Variants in NCOA2 observed in about 807,000 individuals in gnomAD.
The protein encoded by NCOA2 is nuclear receptor coactivator 2.
NCOA2 carries 21 observed loss-of-function variants against 145.1 expected under a neutral mutation model. That is an observed-to-expected ratio of 0.14 (90% CI 0.10 to 0.21). The LOEUF (loss-of-function observed/expected upper bound fraction) is 0.21, where lower values mean the gene tolerates loss of function less well. Ranked by LOEUF, NCOA2 falls within the 10% of genes least tolerant of loss-of-function variation. The pLI is 1.00. For missense variants in NCOA2, 1,472 were observed against 1,837.6 expected, an observed-to-expected ratio of 0.80 and a Z score of 3.64; for synonymous variants, 619 against 637.5, an observed-to-expected ratio of 0.97 and a Z score of 0.44.
intron 9 of NCOA2, among the ~76,000 whole-genome samples, chr8:70,160,682 G>GAGAGGGAGA (rs371258460): frequency 1.7e-5 from 1 of 58,302 alleles, no homozygotes; most frequent in African/African-American, 4.2e-5. Context: ...AGAGAGAGAG[G>GAGAGGGAGA]GAGAGAGAGA....
At chr8:70,114,862 T>C (rs1042506281) in intron 22 of NCOA2, among the ~76,000 whole-genome samples, 2 of 152,182 alleles carry the variant, frequency 1.3e-5, no homozygotes, top group Non-Finnish European at 2.9e-5. Flanking sequence ...GGGGAAAGTA[T>C]TGCCAGATCA....
At chr8:70,313,026 T>C (rs1805261299) in intron 1 of NCOA2, among the ~76,000 whole-genome samples, 1 of 152,196 alleles carries the variant, frequency 6.6e-6, no homozygotes, top group Non-Finnish European at 1.5e-5. Context: ...AACATTTGAA[T>C]CCATCTTAAA....
chr8:70,292,372 C>T (rs569982910), intron 2 of NCOA2, among the ~76,000 whole-genome samples: 1 of 151,832 alleles, frequency 6.6e-6, no homozygotes, highest in Non-Finnish European at 1.5e-5. Context: ...AGGATGGTCT[C>T]GATCTCTTGA....
Position 70,156,890 on chromosome 8 carries a change from A to G in NCOA2, c.1475T>C (p.Met492Thr). ...AGGGCTGCCAGCCACTCCAGGGCTC[A>G]TGCGATGCCTTGGTGAAAGCATGGA... ...PTSMLSPRHR[M>T]SPGVAGSPRI... The change falls in exon 11 of 23, where the codon ATG (methionine) becomes ACG (threonine). Residue 492 changes from methionine (M) to threonine (T), a missense_variant. By Grantham distance (81) the Met-to-Thr change is moderately conservative. This residue lies in a region of NCOA2 where 953 missense variants were observed against 1,062.1 expected (regional missense o/e 0.90). Coordinates refer to ENST00000452400, the MANE Select transcript of NCOA2 (RefSeq NM_006540.4). 5 of 1,614,008 alleles carry G rather than the reference A, an allele frequency of 3.1e-6. No individual in the cohort carries two copies. Among genetic ancestry groups the G allele is most frequent in the Non-Finnish European group, 4.2e-6 (5 of 1,179,884 alleles).
intron 1 of NCOA2, among the ~76,000 whole-genome samples, chr8:70,310,665 T>C (rs1805039616): frequency 6.6e-6 from 1 of 152,216 alleles, no homozygotes. Flanking sequence ...GGGCCTAAAA[T>C]GGGCAAAGCA....
At chr8:70,417,225 T>C in the NCOA2 span, among the ~76,000 whole-genome samples, 308 of 114,676 alleles carry the variant, frequency 2.7e-3, 2 homozygotes, top group African/African-American at 0.011. Context: ...CTGGACAACA[T>C]AGTGAGACCT....
At chr8:70,420,908 G>A in the NCOA2 span, among the ~76,000 whole-genome samples, 2 of 152,158 alleles carry the variant, frequency 1.3e-5, no homozygotes, top group Non-Finnish European at 1.5e-5. Context: ...CTCCCAAAGT[G>A]CTGGGATTAC....
At chr8:70,133,363 T>C (rs1427957418) in intron 15 of NCOA2, among the ~76,000 whole-genome samples, 1 of 151,966 alleles carries the variant, frequency 6.6e-6, no homozygotes, top group Non-Finnish European at 1.5e-5. Context: ...GACTACAGAT[T>C]TGATGTGTAC....
Position 70,112,922 on chromosome 8 carries a change from A to C in NCOA2, c.*710T>G, listed in dbSNP as rs140931008. The C allele has an allele frequency of 8.9e-3, 1,749 of 197,576 alleles. 25 individuals are homozygous for C. The highest frequency in any genetic ancestry group is 0.043 in the East Asian group (543 of 12,688). The allele number at this position is 197,576 out of a possible 1,614,324, so 12.2% of individuals were successfully genotyped here. A position where few individuals can be genotyped will look rare whatever the true frequency, so the allele number is the denominator to read the frequency against. On this transcript the variant is annotated 3_prime_UTR_variant, in exon 23 of 23. Transcript: ENST00000452400. ...GATTCAGGTGAACCAGTTTGGTTTT[A>C]ACAAAGAAAAAACAAGGAAAAAATA...
At position 70,329,592 on chromosome 8, in the gene NCOA2, T is replaced by G. The variant is rs145454008; in HGVS notation, c.-76-32792A>C. Among the ~76,000 whole-genome samples the G allele has an allele frequency of 2.4e-4, 37 of 152,182 alleles. No homozygotes were observed. The East Asian group carries it at 4.6e-3, about 19-fold the overall frequency. ...TATACCCAAGAGATGTGAGGGCTCA[T>G]GTCCACAAAAAACACAAATAGGAAT... On this transcript the variant is annotated intron_variant, in intron 1 of 22. Transcript: ENST00000452400.
At chr8:70,114,704 TG>T (rs757783876) in intron 22 of NCOA2, among the ~76,000 whole-genome samples, 10 of 152,210 alleles carry the variant, frequency 6.6e-5, no homozygotes, top group Non-Finnish European at 1.5e-4. Flanking sequence ...CTGTCTGCTT[TG>T]GGAACAATTG....
In NCOA2 at chr8:70,156,033, T is replaced by C. The variant is rs2132216748; in HGVS notation, c.2332A>G (p.Asn778Asp). 6.2e-7 allele frequency: 1 copy of C among 1,607,190 alleles called. No homozygotes were observed. The highest frequency in any genetic ancestry group is 8.5e-7 in the Non-Finnish European group (1 of 1,177,970). Residue 778 changes from asparagine (N) to aspartate (D), a missense_variant, in exon 11 of 23, where the codon AAC becomes GAC. Asn to Asp is a conservative substitution (Grantham distance 23). This residue lies in a region of NCOA2 where 953 missense variants were observed against 1,062.1 expected (regional missense o/e 0.90). Coordinates refer to ENST00000452400, the MANE Select transcript of NCOA2 (RefSeq NM_006540.4). ...RLDSKTDPAS[N>D]TKLIAMKTEK... is the part of the protein sequence containing the mutation. ...GTTTTCATTGCTATTAATTTTGTGTTACTGGCAGGATCTGTCTTACTGTCC... is the reference window on the plus strand; with the variant it reads ...GTTTTCATTGCTATTAATTTTGTGTCACTGGCAGGATCTGTCTTACTGTCC...
At chr8:70,284,183 T>C (rs1826080296) in intron 2 of NCOA2, among the ~76,000 whole-genome samples, 3 of 152,168 alleles carry the variant, frequency 2.0e-5, no homozygotes, top group Admixed American at 6.6e-5. Context: ...TTCACCACTT[T>C]TATAACTCTT....
At chr8:70,390,518 G>A (rs931665213) in intron 1 of NCOA2, among the ~76,000 whole-genome samples, 2 of 151,776 alleles carry the variant, frequency 1.3e-5, no homozygotes, top group African/African-American at 2.4e-5. Flanking sequence ...TATAATCCCA[G>A]CATTTTGGGA....
chr8:70,435,424 C>CA, the NCOA2 span, among the ~76,000 whole-genome samples: 6,915 of 20,070 alleles, frequency 0.34, 1,959 homozygotes, highest in Non-Finnish European at 0.41. Context: ...GACTCCGTCT[C>CA]AAAAAAAAAA....
At position 70,121,309 on chromosome 8, in the gene NCOA2, G is replaced by C. The variant is rs747168836; in HGVS notation, c.4376C>G (p.Thr1459Arg). Reference protein sequence around the residue: ...GMDMIKQEGDTTRKYC With the variant: ...GMDMIKQEGDRTRKYC ...TTCACTGTTCTTTCTTACCCGTGTT[G>C]TGTCTCCCTCCTGCTTAATCATATC... Residue 1459 changes from threonine (T) to arginine (R), a missense_variant, in exon 22 of 23, where the codon ACA (threonine) becomes AGA (arginine). Thr to Arg is a moderately conservative substitution (Grantham distance 71, BLOSUM62 -1). This residue lies in a region of NCOA2 where 232 missense variants were observed against 290.6 expected (regional missense o/e 0.80). Transcript: ENST00000452400. 2 of 1,612,140 alleles carry C rather than the reference G, an allele frequency of 1.2e-6. No individual in the cohort carries two copies. The highest frequency in any genetic ancestry group is 2.2e-5 in the East Asian group (1 of 44,856).
intron 14 of NCOA2, among the ~76,000 whole-genome samples, chr8:70,138,590 T>C (rs1442814853): frequency 1.3e-5 from 2 of 152,236 alleles, no homozygotes; most frequent in Non-Finnish European, 2.9e-5. Flanking sequence ...AAAAAGTTTT[T>C]ATTCATGTGC....
the NCOA2 span, among the ~76,000 whole-genome samples, chr8:70,445,960 T>C: frequency 2.6e-5 from 4 of 152,278 alleles, no homozygotes; most frequent in African/African-American, 9.6e-5. Flanking sequence ...TAACTGCTGA[T>C]TTTGTTCTTC....
chr8:70,204,369 C>T (rs1417590727), intron 4 of NCOA2, among the ~76,000 whole-genome samples: 1 of 152,158 alleles, frequency 6.6e-6, no homozygotes, highest in African/African-American at 2.4e-5. Context: ...CTTACAAAAA[C>T]AAACAGGGCT....
Sources: allele counts gnomAD v4.1 joint callset (sites outside exome capture counted in the v4.1 genomes callset), GRCh38; gene constraint gnomAD v4.1.1; regional missense constraint gnomAD v4.1.1; transcripts MANE v1.5; gene names NCBI Gene and HGNC (gene_info 2026-07-23, HGNC 2026-07-21).